Variants in CNTN5 observed in about 807,000 individuals in gnomAD.
The protein encoded by CNTN5 is contactin-5.
In CNTN5, 77 loss-of-function variants were observed where a neutral mutation model predicts 129.1. The observed-to-expected ratio is 0.60, with a 90% CI of 0.50 to 0.72. The LOEUF is 0.72. Among genes scored for constraint, CNTN5 ranks in the 30% least tolerant of loss-of-function variants. The probability of loss-of-function intolerance (pLI) is 0.00; values close to 1 mark genes in which losing one functional copy is unlikely to be tolerated. For synonymous variants in CNTN5, 509 were observed against 465.6 expected (o/e 1.09, Z -1.20); for missense variants, 1,478 against 1,328.8 (o/e 1.11, Z -1.75).
chr11:99,942,978 T>C (rs188949890), intron 7 of CNTN5, among the ~76,000 whole-genome samples: 1 of 152,222 alleles, frequency 6.6e-6, no homozygotes, highest in East Asian at 1.9e-4. Context: ...GTTCCAAGTC[T>C]TTGCTATTGT....
Position 100,345,639 on chromosome 11 carries a change from A to G in CNTN5, c.3030+4434A>G, listed in dbSNP as rs534407769. Among the ~76,000 whole-genome samples, 39 of 152,278 alleles carry G rather than the reference A, an allele frequency of 2.6e-4. 1 individual carries two copies. Among genetic ancestry groups the G allele is most frequent in the African/African-American group, 9.1e-4 (38 of 41,586 alleles). ...GTCAGGGCCTTCAAAGTGACCAAGA[A>G]TATCATGAAAGATAGATGGAATTGA... On this transcript the variant is annotated intron_variant, in intron 23 of 24. Transcript: ENST00000524871.
At chr11:100,034,462 A>T (rs112549384) in intron 9 of CNTN5, among the ~76,000 whole-genome samples, 2 of 152,188 alleles carry the variant, frequency 1.3e-5, no homozygotes, top group Non-Finnish European at 2.9e-5. Context: ...ATTTAACTAG[A>T]CCAGAGTAAT....
intron 7 of CNTN5, among the ~76,000 whole-genome samples, chr11:99,955,531 C>A (rs977634620): frequency 6.6e-6 from 1 of 152,014 alleles, no homozygotes. Flanking sequence ...TACAACATTT[C>A]AAAATTCTCA....
intron 1 of CNTN5, among the ~76,000 whole-genome samples, chr11:99,304,261 T>G (rs1014047301): frequency 4.6e-5 from 7 of 152,184 alleles, no homozygotes; most frequent in African/African-American, 1.7e-4. Context: ...TGGACTGATC[T>G]TTCCAAACCT....
rs189803545 is a variant in CNTN5 at position 99,270,136 on chromosome 11, T to G, written c.-209-55210T>G. Among the ~76,000 whole-genome samples, 25 of 151,998 alleles carry G rather than the reference T, an allele frequency of 1.6e-4. No individual in the cohort carries two copies. The East Asian group carries it at 4.9e-3, about 30-fold the overall frequency. On this transcript the variant is annotated intron_variant, in intron 1 of 24. Coordinates refer to ENST00000524871, the MANE Select transcript of CNTN5 (RefSeq NM_014361.4). ...GCCCTTAAAAACACTGTTCCATATT[T>G]TTGTGTTTTATTTCATTTTTAACTG...
intron 2 of CNTN5, among the ~76,000 whole-genome samples, chr11:99,522,209 T>G (rs1033742062): frequency 6.6e-6 from 1 of 152,050 alleles, no homozygotes; most frequent in African/African-American, 2.4e-5. Flanking sequence ...GAGAAAGAAC[T>G]TTAAGGAACT....
At chr11:99,916,250 G>A (rs946764232) in intron 7 of CNTN5, 101 bp downstream of exon 7, 3 of 860,238 alleles carry the variant, frequency 3.5e-6, no homozygotes. Context: ...CAGGTGAAAT[G>A]TGCATGGTTT....
At chr11:99,735,752 A>G (rs142940793) in intron 3 of CNTN5, among the ~76,000 whole-genome samples, 9 of 152,302 alleles carry the variant, frequency 5.9e-5, no homozygotes, top group Admixed American at 4.6e-4. Flanking sequence ...CCAGAAACTA[A>G]CATATTCATC....
intron 19 of CNTN5, 30 bp from the exon 20 acceptor site, chr11:100,299,132 C>A: frequency 2.2e-6 from 3 of 1,346,866 alleles, no homozygotes; most frequent in Admixed American, 2.3e-5. Context: ...AATCATTTTG[C>A]TGATAATTAA....
intron 6 of CNTN5, among the ~76,000 whole-genome samples, chr11:99,894,473 G>GA (rs35922423): frequency 0.24 from 20,116 of 84,300 alleles, 2,041 homozygotes; most frequent in Non-Finnish European, 0.31. Flanking sequence ...AACTACAACT[G>GA]AAAAAAAAAA....
At chr11:99,414,608 T>C (rs1942561575) in intron 2 of CNTN5, among the ~76,000 whole-genome samples, 1 of 151,988 alleles carries the variant, frequency 6.6e-6, no homozygotes, top group Non-Finnish European at 1.5e-5. Flanking sequence ...TCAGGGCAGA[T>C]AGTGATAGGG....
intron 21 of CNTN5, among the ~76,000 whole-genome samples, chr11:100,326,295 G>A (rs1212514897): frequency 2.0e-5 from 3 of 151,944 alleles, no homozygotes; most frequent in Non-Finnish European, 4.4e-5. Context: ...TAGAATATAT[G>A]GAACAAAAGG....
chr11:99,799,676 G>A (rs764240758), intron 3 of CNTN5, among the ~76,000 whole-genome samples: 14 of 152,190 alleles, frequency 9.2e-5, no homozygotes, highest in South Asian at 2.1e-4. Flanking sequence ...TTGCATATAT[G>A]TTTATCAGGG....
intron 9 of CNTN5, among the ~76,000 whole-genome samples, chr11:100,055,682 T>G (rs1943189877): frequency 6.6e-6 from 1 of 151,668 alleles, no homozygotes; most frequent in East Asian, 1.9e-4. Flanking sequence ...TGTTATTTTG[T>G]AAATTATCTG....
rs146058283 is a variant in CNTN5 at position 99,484,452 on chromosome 11, C to T, written c.-70-71693C>T. On this transcript the variant is annotated intron_variant, in intron 2 of 24. Coordinates refer to ENST00000524871, the MANE Select transcript of CNTN5 (RefSeq NM_014361.4). ...ATGGGAATGTAAACTACTACAGCCACTACGGAGAATAGCATGAAAATTCCT... is the reference window on the plus strand; with the variant it reads ...ATGGGAATGTAAACTACTACAGCCATTACGGAGAATAGCATGAAAATTCCT... Among the ~76,000 whole-genome samples, 402 of 152,144 alleles carry T rather than the reference C, an allele frequency of 2.6e-3. 3 individuals carry two copies. The highest frequency in any genetic ancestry group is 8.7e-3 in the African/African-American group (363 of 41,502).
At chr11:99,116,567 A>G (rs1381720188) in intron 1 of CNTN5, among the ~76,000 whole-genome samples, 3 of 152,196 alleles carry the variant, frequency 2.0e-5, no homozygotes, top group South Asian at 4.1e-4. Flanking sequence ...TATTCTCTCT[A>G]TATCATGGAG....
chr11:99,384,050 G>A (rs567729520), intron 2 of CNTN5, among the ~76,000 whole-genome samples: 12 of 152,128 alleles, frequency 7.9e-5, no homozygotes, highest in Admixed American at 4.6e-4. Context: ...TTACTAGTGC[G>A]TTGCTGATTC....
chr11:100,197,591 C>A (rs1000080649), intron 15 of CNTN5, among the ~76,000 whole-genome samples: 1 of 151,960 alleles, frequency 6.6e-6, no homozygotes, highest in Non-Finnish European at 1.5e-5. Flanking sequence ...ATCTGAATAG[C>A]ATCTGAGCTA....
intron 1 of CNTN5, among the ~76,000 whole-genome samples, chr11:99,266,425 T>C (rs2447145): frequency 0.055 from 8,339 of 151,864 alleles, 803 homozygotes; most frequent in African/African-American, 0.19. Flanking sequence ...TTGGTGGGAC[T>C]CCATCTCTAC....
Sources: gnomAD v4.1 joint callset for allele counts (sites outside exome capture counted in the v4.1 genomes callset) on GRCh38, gnomAD v4.1.1 for gene constraint, MANE v1.5 for transcripts, NCBI Gene and HGNC (gene_info 2026-07-23, HGNC 2026-07-21) for gene names.